IPO8: variants seen among roughly 807,000 people sequenced by gnomAD.
The protein encoded by IPO8 is importin 8, also known as importin-8.
A neutral mutation model predicts 141.2 loss-of-function variants in IPO8; 65 were observed. The ratio of observed to expected loss-of-function variants is 0.46; its 90% CI spans 0.38 to 0.57. The LOEUF (loss-of-function observed/expected upper bound fraction) is 0.57, where lower values mean the gene tolerates loss of function less well. Ranked by LOEUF, IPO8 falls within the 20% of genes least tolerant of loss-of-function variation. The pLI is 0.00. For missense variants in IPO8, 980 were observed against 1,246.8 expected (o/e 0.79, Z 3.22); for synonymous variants, 411 against 420.3 (o/e 0.98, Z 0.27).
At chr12:30,633,486 A>G (rs952470423) in intron 23 of IPO8, among the ~76,000 whole-genome samples, 1 of 152,068 alleles carries the variant, frequency 6.6e-6, no homozygotes, top group African/African-American at 2.4e-5. Context: ...TCCATTTTCT[A>G]CTAGGTTACT....
chr12:30,644,372 T>TA (rs11395707), intron 20 of IPO8, among the ~76,000 whole-genome samples: 41,669 of 144,948 alleles, frequency 0.29, 6,593 homozygotes, highest in African/African-American at 0.43. Context: ...CAATCTCCAT[T>TA]AAAAAAAAAA....
Position 30,690,530 on chromosome 12 carries a change from G to A in IPO8, c.132C>T (p.Val44=), listed in dbSNP as rs891324833. Reference sequence around the variant, plus strand: ...GTACTGGGAATTCCACATGGTCAGAGACTATAATCCGAAGTAAACTGGGGG... The same window carrying A: ...GTACTGGGAATTCCACATGGTCAGAAACTATAATCCGAAGTAAACTGGGGG... The part of the protein sequence containing the change: ...NFAPSLLRII[V]SDHVEFPVRQ... The change falls in exon 2 of 25, where the codon GTC becomes GTT. Residue 44 remains valine, a synonymous_variant. Coordinates refer to ENST00000256079, the MANE Select transcript of IPO8 (RefSeq NM_006390.4). 6.3e-7 allele frequency: 1 copy of A among 1,598,134 alleles called. No homozygotes were observed. The highest frequency in any genetic ancestry group is 8.5e-7 in the Non-Finnish European group (1 of 1,173,242).
intron 7 of IPO8, 106 bp from the exon 8 acceptor site, chr12:30,674,180 C>G: frequency 1.5e-6 from 1 of 670,086 alleles, no homozygotes; most frequent in Non-Finnish European, 2.5e-6. Flanking sequence ...TCTACTGGGA[C>G]AGAAAACTAA....
At chr12:30,666,344 A>T (rs1358286016) in intron 10 of IPO8, 93 bp from the exon 11 acceptor site, 1 of 838,550 alleles carries the variant, frequency 1.2e-6, no homozygotes, top group African/African-American at 1.7e-5. Context: ...AAACCAAAAA[A>T]ATAAAACCAT....
chr12:30,656,653 A>G, intron 17 of IPO8, 31 bp downstream of exon 17: 5 of 1,387,438 alleles, frequency 3.6e-6, no homozygotes, highest in Admixed American at 2.2e-5. Context: ...AATTTTTTCA[A>G]TTTATCTTTT....
chr12:30,687,883 C>T (rs528105177), intron 2 of IPO8, among the ~76,000 whole-genome samples: 12 of 152,186 alleles, frequency 7.9e-5, no homozygotes, highest in African/African-American at 2.9e-4. Context: ...CAAAAAGAAA[C>T]AACAAGGAGC....
At chr12:30,650,462 A>G (rs1373814951) in intron 19 of IPO8, among the ~76,000 whole-genome samples, 1 of 152,096 alleles carries the variant, frequency 6.6e-6, no homozygotes, top group East Asian at 1.9e-4. Context: ...GTATTTACAT[A>G]AATTTAAAAT....
chr12:30,635,304 A>G (rs1340845620), intron 22 of IPO8, among the ~76,000 whole-genome samples: 1 of 152,068 alleles, frequency 6.6e-6, no homozygotes, highest in Admixed American at 6.5e-5. Context: ...CAAAATTGGC[A>G]AGATTGTAAA....
intron 20 of IPO8, among the ~76,000 whole-genome samples, chr12:30,645,716 A>C (rs2052636039): frequency 6.6e-6 from 1 of 152,168 alleles, no homozygotes; most frequent in Non-Finnish European, 1.5e-5. Flanking sequence ...AGACATAAGG[A>C]AATACTATGA....
chr12:30,661,723 T>C (rs2052891046), intron 15 of IPO8, among the ~76,000 whole-genome samples: 2 of 146,836 alleles, frequency 1.4e-5, no homozygotes, highest in Non-Finnish European at 3.0e-5. Flanking sequence ...GAAAAAAAAA[T>C]AGTAAGGAGA....
intron 16 of IPO8, 152 bp downstream of exon 16, chr12:30,660,989 T>A: frequency 2.9e-6 from 1 of 342,104 alleles, no homozygotes; most frequent in East Asian, 4.6e-5. Context: ...GTCATTTTAA[T>A]ATGTTTCCAT....
intron 11 of IPO8, 53 bp downstream of exon 11, chr12:30,666,122 A>C: frequency 9.2e-7 from 1 of 1,089,844 alleles, no homozygotes; most frequent in Non-Finnish European, 1.3e-6. Flanking sequence ...CTAGAGTATC[A>C]ACTCAACACA....
In IPO8 at chr12:30,668,802, C is replaced by T. The variant is rs191449367; in HGVS notation, c.1144+381G>A. 6.0e-4 allele frequency among the ~76,000 whole-genome samples: 91 copies of T among 152,306 alleles called. 2 individuals carry two copies. Among genetic ancestry groups the T allele is most frequent in the African/African-American group, 2.1e-3 (86 of 41,574 alleles). On this transcript the variant is annotated intron_variant, in intron 10 of 24. Transcript: ENST00000256079. Reference sequence around the variant, plus strand: ...TTAGTCTCTCAGACAAGCAAGCAAACCAAATTGGGGTACCCCTAAAATATG... The same window carrying T: ...TTAGTCTCTCAGACAAGCAAGCAAATCAAATTGGGGTACCCCTAAAATATG...
At chr12:30,668,513 G>C (rs142233275) in intron 10 of IPO8, among the ~76,000 whole-genome samples, 1,532 of 152,332 alleles carry the variant, frequency 0.01, 25 homozygotes, top group African/African-American at 0.034. Context: ...GACAGAAAAT[G>C]CAAAATTAAG....
chr12:30,652,086 T>C (rs867843251), intron 19 of IPO8, 106 bp downstream of exon 19: 2 of 600,462 alleles, frequency 3.3e-6, no homozygotes, highest in South Asian at 2.2e-5. Flanking sequence ...TTGATGAAGA[T>C]AATGCAGAAC....
intron 16 of IPO8, among the ~76,000 whole-genome samples, chr12:30,659,216 A>C (rs557874622): frequency 1.1e-3 from 168 of 152,146 alleles, no homozygotes; most frequent in African/African-American, 3.9e-3. Context: ...TCAGCCGGGC[A>C]TAGTGGCTCA....
intron 2 of IPO8, among the ~76,000 whole-genome samples, chr12:30,687,688 T>C (rs936880801): frequency 1.3e-5 from 2 of 152,138 alleles, no homozygotes; most frequent in African/African-American, 4.8e-5. Context: ...TTTCTACAAA[T>C]AAAATGCATG....
intron 2 of IPO8, 121 bp from the exon 3 acceptor site, chr12:30,684,578 C>T (rs1345176513): frequency 2.3e-6 from 2 of 883,694 alleles, no homozygotes; most frequent in Non-Finnish European, 3.5e-6. Flanking sequence ...AAAATGGATA[C>T]TCTTACAGGT....
chr12:30,680,445 C>T, intron 5 of IPO8, 37 bp downstream of exon 5: 1 of 1,543,658 alleles, frequency 6.5e-7, no homozygotes, highest in Non-Finnish European at 8.8e-7. Context: ...GGCAGAAATA[C>T]AGGACTCCAT....
Sources: gnomAD v4.1 joint callset for allele counts (sites outside exome capture counted in the v4.1 genomes callset) on GRCh38, gnomAD v4.1.1 for gene constraint, MANE v1.5 for transcripts, NCBI Gene and HGNC (gene_info 2026-07-23, HGNC 2026-07-21) for gene names.